The following CCNY variants were observed in gnomAD, a reference collection of about 807,000 sequenced individuals.
CCNY encodes the protein cyclin Y.
A neutral mutation model predicts 42.8 loss-of-function variants in CCNY; 19 were observed. That is an observed-to-expected ratio of 0.44 (90% confidence interval 0.31 to 0.65). The LOEUF (loss-of-function observed/expected upper bound fraction) is 0.65, where lower values mean the gene tolerates loss of function less well. Ranked by LOEUF, CCNY falls within the 30% of genes least tolerant of loss-of-function variation. CCNY has a pLI of 0.07. For missense variants in CCNY, 370 were observed against 437.3 expected (o/e 0.85, Z 1.37); for synonymous variants, 165 against 162.7 (o/e 1.01, Z -0.11).
At chr10:35,260,926 C>A (rs746498894) in intron 3 of CCNY, among the ~76,000 whole-genome samples, 2 of 152,076 alleles carry the variant, frequency 1.3e-5, no homozygotes, top group East Asian at 3.9e-4. Flanking sequence ...GCCACGGCAA[C>A]CTTGTGAGAC....
At chr10:35,554,137 C>T (rs1589204281) in intron 8 of CCNY, among the ~76,000 whole-genome samples, 1 of 152,210 alleles carries the variant, frequency 6.6e-6, no homozygotes, top group African/African-American at 2.4e-5. Flanking sequence ...GATGCAGGAC[C>T]TTCCCAGTGC....
At chr10:35,260,678 A>C (rs3853672) in intron 3 of CCNY, among the ~76,000 whole-genome samples, 55,598 of 152,144 alleles carry the variant, frequency 0.37, 10,662 homozygotes, top group African/African-American at 0.49. Flanking sequence ...CCAGGCAGGG[A>C]CTGTCACCAG....
intron 2 of CCNY, among the ~76,000 whole-genome samples, chr10:35,249,704 G>A (rs2095710465): frequency 6.6e-6 from 1 of 152,180 alleles, no homozygotes; most frequent in South Asian, 2.1e-4. Flanking sequence ...ACCTTGTACA[G>A]TAGGGAGTCC....
intron 1 of CCNY, among the ~76,000 whole-genome samples, chr10:35,404,146 C>A (rs770781119): frequency 2.6e-5 from 4 of 152,220 alleles, no homozygotes. Flanking sequence ...GTTATGAGAA[C>A]TGTAGAGAGT....
At chr10:35,266,929 C>T (rs2095726153) in intron 3 of CCNY, among the ~76,000 whole-genome samples, 1 of 142,736 alleles carries the variant, frequency 7.0e-6, no homozygotes, top group Non-Finnish European at 1.5e-5. Context: ...ACTAAAAATA[C>T]AAACATTAGC....
At chr10:35,394,899 A>G (rs2135217465) in intron 1 of CCNY, 2 of 956,846 alleles carry the variant, frequency 2.1e-6, no homozygotes, top group Non-Finnish European at 2.5e-6. Flanking sequence ...GCCTTGGAAA[A>G]TTAAATGGGA....
At chr10:35,271,775 C>T (rs137965315) in intron 3 of CCNY, among the ~76,000 whole-genome samples, 62 of 152,170 alleles carry the variant, frequency 4.1e-4, no homozygotes, top group African/African-American at 1.3e-3. Flanking sequence ...CCCTTGGCAA[C>T]CCCCTTGGGT....
intron 3 of CCNY, among the ~76,000 whole-genome samples, chr10:35,277,150 G>C (rs1398238055): frequency 1.3e-5 from 2 of 152,220 alleles, no homozygotes; most frequent in Non-Finnish European, 2.9e-5. Flanking sequence ...GTTGGGCTTT[G>C]CTGGGACTTA....
rs181067675 is a variant in CCNY at position 35,442,915 on chromosome 10, G to A, written c.155-40489G>A. Among the ~76,000 whole-genome samples the A allele has an allele frequency of 8.2e-4, 125 of 152,294 alleles. 2 individuals carry two copies. Among genetic ancestry groups the A allele is most frequent in the Non-Finnish European group, 2.2e-4 (15 of 68,024 alleles). ...GATGGTCTAACCTACTACACATGTA[G>A]GCTGCATAGTATAGCCTGTTGCTCC... On this transcript the variant is annotated intron_variant, in intron 1 of 9. Transcript: ENST00000374704.
intron 1 of CCNY, among the ~76,000 whole-genome samples, chr10:35,457,133 A>G (rs1320048627): frequency 6.6e-6 from 1 of 152,120 alleles, no homozygotes; most frequent in Non-Finnish European, 1.5e-5. Context: ...GTTCTTTTTC[A>G]TGTTTGATGT....
At chr10:35,430,510 A>G (rs1366836075) in intron 1 of CCNY, among the ~76,000 whole-genome samples, 1 of 152,168 alleles carries the variant, frequency 6.6e-6, no homozygotes, top group Non-Finnish European at 1.5e-5. Context: ...TCAGGTTATC[A>G]AATGGATAAA....
intron 1 of CCNY, among the ~76,000 whole-genome samples, chr10:35,348,664 G>C (rs1282410759): frequency 3.3e-5 from 5 of 152,190 alleles, no homozygotes; most frequent in Non-Finnish European, 5.9e-5. Context: ...CTGAAAGCCC[G>C]GCAGGGCCCT....
rs57188309 is a variant in CCNY at position 35,416,160 on chromosome 10, C to CGTGTGTGTGT, written c.155-67219_155-67210dup. ...ACCTGATCTGGAAACTTGTGGCACC[C>CGTGTGTGTGT]GTGTGTGTGTGTGTGTGTGTGTGTG... is the stretch of plus-strand genomic sequence containing the variant. On this transcript the variant is annotated intron_variant, in intron 1 of 9. Transcript: ENST00000374704. 8.7e-3 allele frequency among the ~76,000 whole-genome samples: 1,259 copies of CGTGTGTGTGT among 144,582 alleles called. 14 individuals carry two copies. Among genetic ancestry groups the CGTGTGTGTGT allele is most frequent in the African/African-American group, 0.025 (977 of 38,846 alleles). The allele number at this position is 144,582 out of a possible 152,430, so 94.9% of individuals were successfully genotyped here. A position where few individuals can be genotyped will look rare whatever the true frequency, so the allele number is the denominator to read the frequency against.
At position 35,475,945 on chromosome 10, in the gene CCNY, T is replaced by C. The variant is rs1219348250; in HGVS notation, c.155-7459T>C. 2.0e-5 allele frequency among the ~76,000 whole-genome samples: 3 copies of C among 152,076 alleles called. No homozygotes were observed. The East Asian group carries it at 5.8e-4, about 29-fold the overall frequency. On this transcript the variant is annotated intron_variant, in intron 1 of 9. Transcript: ENST00000374704. The stretch of plus-strand genomic sequence containing the variant: ...CTCAAAATAAAAGGATGGAGGAAGA[T>C]CTGCCAAGCAAATGGAAAACAAAAA...
At chr10:35,412,923 G>T (rs951892561) in intron 1 of CCNY, among the ~76,000 whole-genome samples, 3 of 148,216 alleles carry the variant, frequency 2.0e-5, no homozygotes, top group Non-Finnish European at 3.0e-5. Context: ...TGTGGATCAC[G>T]CTTTGGGTTG....
At chr10:35,357,187 T>TGCCCCA (rs986021402) in intron 1 of CCNY, among the ~76,000 whole-genome samples, 113 of 128,614 alleles carry the variant, frequency 8.8e-4, no homozygotes, top group East Asian at 3.2e-3. Flanking sequence ...CCCCTGCCCC[T>TGCCCCA]GCCCCAGCCC....
intron 1 of CCNY, among the ~76,000 whole-genome samples, chr10:35,447,789 C>T (rs1838824959): frequency 6.6e-6 from 1 of 152,110 alleles, no homozygotes. Context: ...CTGTTTGGCA[C>T]AGGTCGGATG....
At chr10:35,514,075 C>CAAAAAAAA (rs11451104) in intron 3 of CCNY, among the ~76,000 whole-genome samples, 2 of 76,176 alleles carry the variant, frequency 2.6e-5, no homozygotes, top group Non-Finnish European at 2.5e-5. Flanking sequence ...AGGACCAGTT[C>CAAAAAAAA]AAAAAAAAAA....
At chr10:35,247,875 C>CAAAAAAAAAAAAAAAAA (rs56166117) in intron 1 of CCNY, among the ~76,000 whole-genome samples, 1 of 58,182 alleles carries the variant, frequency 1.7e-5, no homozygotes, top group Non-Finnish European at 3.8e-5. Flanking sequence ...GACTCCATCT[C>CAAAAAAAAAAAAAAAAA]AAAAAAAAAA....
Sources: allele counts gnomAD v4.1 joint callset (sites outside exome capture counted in the v4.1 genomes callset), GRCh38; gene constraint gnomAD v4.1.1; transcripts MANE v1.5; gene names NCBI Gene and HGNC (gene_info 2026-07-23, HGNC 2026-07-21).